Variants in PDE1C observed in about 807,000 individuals in gnomAD.
PDE1C encodes the protein phosphodiesterase 1C.
Under a neutral mutation model 93.1 loss-of-function variants are expected in PDE1C, and 62 were observed. That is an observed-to-expected ratio of 0.67 (90% CI 0.54 to 0.82). The LOEUF (loss-of-function observed/expected upper bound fraction) is 0.82. PDE1C is among the 40% of genes least tolerant of loss of function. The pLI, the probability that PDE1C is intolerant of heterozygous loss-of-function variation, is 0.00. For synonymous variants in PDE1C, 325 were observed against 310.1 expected (o/e 1.05, Z -0.50); for missense variants, 742 against 884.6 (o/e 0.84, Z 2.04).
chr7:31,926,694 A>G (rs1360815226), intron 2 of PDE1C, among the ~76,000 whole-genome samples: 2 of 152,072 alleles, frequency 1.3e-5, no homozygotes, highest in African/African-American at 4.8e-5. Flanking sequence ...GGAGTCAGGG[A>G]ACTCCCTCCT....
At position 32,336,256 on chromosome 7, in the gene PDE1C, T is replaced by C. The variant is rs545066474; in HGVS notation, c.310+91566A>G. ...CACTCCTCTATAGCAGGCAACTACT[T>C]CATGAAGGAGACTTCAGGGTGGGAG... On this transcript the variant is annotated intron_variant, in intron 1 of 1. Coordinates refer to the PDE1C transcript ENST00000672256. Among the ~76,000 whole-genome samples, 3 of 152,300 alleles carry C rather than the reference T, an allele frequency of 2.0e-5. No individual in the cohort carries two copies. The East Asian group carries it at 5.8e-4, about 29-fold the overall frequency.
At chr7:32,333,782 A>G (rs1290996183) in intron 1 of PDE1C, among the ~76,000 whole-genome samples, 5 of 152,254 alleles carry the variant, frequency 3.3e-5, no homozygotes, top group African/African-American at 9.6e-5. Context: ...GACAACTGCT[A>G]GACGGTTGCA....
intron 1 of PDE1C, among the ~76,000 whole-genome samples, chr7:32,394,311 A>G (rs1051097618): frequency 2.0e-4 from 31 of 152,214 alleles, no homozygotes; most frequent in African/African-American, 7.5e-4. Flanking sequence ...GGGATGTCCA[A>G]TTATTTGAAG....
intron 1 of PDE1C, among the ~76,000 whole-genome samples, chr7:32,327,372 G>A (rs552169017): frequency 5.5e-4 from 83 of 152,266 alleles, no homozygotes; most frequent in African/African-American, 1.9e-3. Flanking sequence ...TCAGGAAGTA[G>A]GACATTACCA....
intron 1 of PDE1C, among the ~76,000 whole-genome samples, chr7:32,296,658 G>A (rs1812620421): frequency 6.6e-6 from 1 of 152,110 alleles, no homozygotes; most frequent in Non-Finnish European, 1.5e-5. Context: ...GGAAGAGGAG[G>A]ACCACACTAT....
the PDE1C span, among the ~76,000 whole-genome samples, chr7:31,619,314 G>C: frequency 1.6e-4 from 24 of 152,282 alleles, no homozygotes; most frequent in African/African-American, 5.8e-4. Context: ...CATAAAGTTA[G>C]TGATTTATTC....
intron 1 of PDE1C, among the ~76,000 whole-genome samples, chr7:32,317,000 C>A (rs1307717235): frequency 6.6e-6 from 1 of 152,166 alleles, no homozygotes; most frequent in Non-Finnish European, 1.5e-5. Flanking sequence ...AGCCCTCCTC[C>A]AAAGCACAGG....
intron 3 of PDE1C, among the ~76,000 whole-genome samples, chr7:32,156,756 T>C (rs1402132880): frequency 6.6e-6 from 1 of 152,136 alleles, no homozygotes. Flanking sequence ...GGTTAGAAAA[T>C]ACCATTGATT....
chr7:31,948,316 A>G (rs1197342796), intron 2 of PDE1C, among the ~76,000 whole-genome samples: 7 of 152,232 alleles, frequency 4.6e-5, no homozygotes, highest in Non-Finnish European at 8.8e-5. Context: ...AAACATAGAT[A>G]TCTTAGCTGG....
chr7:32,111,533 C>T (rs992933511), intron 3 of PDE1C, among the ~76,000 whole-genome samples: 16 of 152,220 alleles, frequency 1.1e-4, no homozygotes, highest in Admixed American at 3.9e-4. Flanking sequence ...GATTGTGGAA[C>T]CATGGTTGGG....
intron 2 of PDE1C, among the ~76,000 whole-genome samples, chr7:31,924,585 G>C (rs1803098430): frequency 8.4e-6 from 1 of 119,654 alleles, no homozygotes; most frequent in South Asian, 2.5e-4. Flanking sequence ...CACCTCGAAA[G>C]AGCCTTTTCT....
chr7:32,004,096 C>T (rs1785846779), intron 2 of PDE1C, among the ~76,000 whole-genome samples: 1 of 152,064 alleles, frequency 6.6e-6, no homozygotes, highest in East Asian at 1.9e-4. Context: ...ACAGCCAAGA[C>T]AGGTAATGAG....
chr7:31,981,847 T>C (rs1812418934), intron 2 of PDE1C, among the ~76,000 whole-genome samples: 1 of 152,204 alleles, frequency 6.6e-6, no homozygotes. Context: ...GAAAGTTAAA[T>C]ATGAGAAAGA....
At chr7:32,180,921 G>A (rs541875966) in intron 2 of PDE1C, among the ~76,000 whole-genome samples, 46 of 152,262 alleles carry the variant, frequency 3.0e-4, no homozygotes, top group African/African-American at 1.1e-3. Context: ...TGTTATCTGC[G>A]AGACACAAAG....
At chr7:31,639,158 C>G in the PDE1C span, among the ~76,000 whole-genome samples, 1 of 152,160 alleles carries the variant, frequency 6.6e-6, no homozygotes. Flanking sequence ...GTGAAACAAA[C>G]TTTTCTTTGA....
intron 1 of PDE1C, among the ~76,000 whole-genome samples, chr7:32,295,800 A>G (rs1235135005): frequency 6.7e-6 from 1 of 149,440 alleles, no homozygotes; most frequent in Admixed American, 6.7e-5. Flanking sequence ...AGGCTGAGGC[A>G]GGAGAATGGT....
chr7:31,825,753 G>C (rs962295325), intron 12 of PDE1C, among the ~76,000 whole-genome samples: 2 of 152,230 alleles, frequency 1.3e-5, no homozygotes, highest in East Asian at 3.9e-4. Flanking sequence ...AGCAGGCACA[G>C]ATACCTGCAC....
At chr7:31,657,220 GCT>G in the PDE1C span, among the ~76,000 whole-genome samples, 2 of 23,138 alleles carry the variant, frequency 8.6e-5, no homozygotes, top group Non-Finnish European at 2.1e-4. Context: ...AGTTGTCTAA[GCT>G]CTGGCAACCA....
chr7:32,332,111 G>T (rs550797052), intron 1 of PDE1C, among the ~76,000 whole-genome samples: 1 of 152,038 alleles, frequency 6.6e-6, no homozygotes, highest in East Asian at 1.9e-4. Flanking sequence ...AATAAATAGC[G>T]AAATCACTGC....
Sources: gnomAD v4.1 joint callset for allele counts (sites outside exome capture counted in the v4.1 genomes callset) on GRCh38, gnomAD v4.1.1 for gene constraint, MANE v1.5 for transcripts, NCBI Gene and HGNC (gene_info 2026-07-23, HGNC 2026-07-21) for gene names.